The following MGMT variants were observed in gnomAD, a reference collection of about 807,000 sequenced individuals.
MGMT encodes the protein O-6-methylguanine-DNA methyltransferase.
A neutral mutation model predicts 15.9 loss-of-function variants in MGMT; 14 were observed. The observed-to-expected ratio is 0.88, with a 90% CI of 0.58 to 1.37. The LOEUF (loss-of-function observed/expected upper bound fraction) is 1.37, where lower values mean the gene tolerates loss of function less well. Ranked by LOEUF, MGMT falls within the 40% of genes most tolerant of loss-of-function variation. The pLI, the probability that MGMT is intolerant of heterozygous loss-of-function variation, is 0.00. For synonymous variants in MGMT, 130 were observed against 118.2 expected (o/e 1.10, Z -0.65); for missense variants, 282 against 268.1 (o/e 1.05, Z -0.36).
chr10:129,733,027 C>T (rs61874349), intron 3 of MGMT, among the ~76,000 whole-genome samples: 9 of 151,610 alleles, frequency 5.9e-5, no homozygotes, highest in South Asian at 2.1e-4. Flanking sequence ...TACGTGTGCA[C>T]GTGTCTTTAT....
intron 3 of MGMT, among the ~76,000 whole-genome samples, chr10:129,737,433 G>A (rs1427410353): frequency 3.3e-5 from 5 of 151,996 alleles, no homozygotes; most frequent in African/African-American, 9.7e-5. Context: ...CTCTGTATTG[G>A]TTACTCTAGT....
chr10:129,571,896 C>G (rs772020033), intron 2 of MGMT, among the ~76,000 whole-genome samples: 2 of 152,162 alleles, frequency 1.3e-5, no homozygotes, highest in Non-Finnish European at 2.9e-5. Flanking sequence ...TTCATGCATG[C>G]AAGAATCGTT....
intron 3 of MGMT, among the ~76,000 whole-genome samples, chr10:129,708,273 A>G (rs1848191521): frequency 6.6e-6 from 1 of 152,218 alleles, no homozygotes; most frequent in South Asian, 2.1e-4. Context: ...GGCAATAAAA[A>G]TGAAGCATGC....
At position 129,500,797 on chromosome 10, in the gene MGMT, C is replaced by T. The variant is rs529295740; in HGVS notation, c.-13+33501C>T. ...AACTTCTGAGCTCAAACTATCCGCC[C>T]GCCTTAGCCTCCCACAGTGCTGGGA... On this transcript the variant is annotated intron_variant, in intron 1 of 4. Transcript: ENST00000651593. Among the ~76,000 whole-genome samples the T allele has an allele frequency of 3.3e-5, 5 of 152,156 alleles. No homozygotes were observed. In the South Asian group the frequency reaches 6.2e-4, roughly 19 times the overall value.
chr10:129,661,389 C>T (rs1476164741), intron 2 of MGMT, among the ~76,000 whole-genome samples: 1 of 152,156 alleles, frequency 6.6e-6, no homozygotes, highest in Non-Finnish European at 1.5e-5. Context: ...TGTACCAACT[C>T]ATACTCTCAG....
intron 1 of MGMT, among the ~76,000 whole-genome samples, chr10:129,506,480 A>G (rs1369354258): frequency 6.6e-6 from 1 of 151,960 alleles, no homozygotes; most frequent in East Asian, 1.9e-4. Flanking sequence ...GCAGCCACAT[A>G]CTTAGGGCTG....
chr10:129,552,342 C>T (rs1589862705), intron 2 of MGMT, among the ~76,000 whole-genome samples: 2 of 152,328 alleles, frequency 1.3e-5, no homozygotes, highest in Non-Finnish European at 1.5e-5. Context: ...ACGCTGCATG[C>T]CCAGGTGGTC....
rs1345871394 is a variant in MGMT at position 129,769,279 on chromosome 10, G to A, written c.*2282G>A. The A allele has an allele frequency of 6.6e-6, 1 of 152,244 alleles. No homozygotes were observed. Among genetic ancestry groups the A allele is most frequent in the Non-Finnish European group, 1.5e-5 (1 of 68,068 alleles). 9.4% of individuals were successfully genotyped at this position (152,244 alleles called of 1,614,324 possible). A position where few individuals can be genotyped will look rare whatever the true frequency, so the allele number is the denominator to read the frequency against. The stretch of plus-strand genomic sequence containing the variant: ...CGGCGGGGCCGTGTACCGCTCCAAG[G>A]ACAAGCTCTGCCGAGGCCGACATGA... On this transcript the variant is annotated 3_prime_UTR_variant, in exon 5 of 5. Transcript: ENST00000651593.
intron 2 of MGMT, among the ~76,000 whole-genome samples, chr10:129,674,837 G>A (rs899039701): frequency 6.6e-6 from 1 of 152,204 alleles, no homozygotes; most frequent in Non-Finnish European, 1.5e-5. Context: ...GAACACAGCA[G>A]TGAGAGATGA....
At chr10:129,568,731 T>A (rs1013840215) in intron 2 of MGMT, among the ~76,000 whole-genome samples, 4 of 152,022 alleles carry the variant, frequency 2.6e-5, no homozygotes, top group South Asian at 4.2e-4. Context: ...AGGGCTCTGG[T>A]TTCTGGAGTA....
intron 2 of MGMT, among the ~76,000 whole-genome samples, chr10:129,668,063 G>T (rs1252812970): frequency 1.3e-5 from 2 of 152,174 alleles, no homozygotes; most frequent in African/African-American, 4.8e-5. Context: ...TTGCTGAACA[G>T]AAGGTTTTAA....
At chr10:129,572,958 G>A (rs1846437360) in intron 2 of MGMT, among the ~76,000 whole-genome samples, 1 of 152,076 alleles carries the variant, frequency 6.6e-6, no homozygotes, top group Non-Finnish European at 1.5e-5. Context: ...AGTTAATTGT[G>A]GAACCTATTT....
intron 3 of MGMT, among the ~76,000 whole-genome samples, chr10:129,748,513 A>T (rs964206549): frequency 6.6e-6 from 1 of 152,118 alleles, no homozygotes; most frequent in Non-Finnish European, 1.5e-5. Flanking sequence ...TAGGGAGGAA[A>T]AGGCCAGTTC....
intron 2 of MGMT, chr10:129,564,253 C>T (rs1846317700): frequency 1.2e-5 from 1 of 85,416 alleles, no homozygotes; most frequent in African/African-American, 4.7e-5. Context: ...CCTTCCCCCT[C>T]CTCTTCCCCT....
intron 2 of MGMT, among the ~76,000 whole-genome samples, chr10:129,578,477 G>A (rs1846513889): frequency 6.9e-6 from 1 of 145,274 alleles, no homozygotes; most frequent in East Asian, 2.1e-4. Flanking sequence ...GGTGGGAATT[G>A]AACAATGAGA....
chr10:129,605,300 A>G (rs1589889968), intron 2 of MGMT, among the ~76,000 whole-genome samples: 1 of 152,082 alleles, frequency 6.6e-6, no homozygotes, highest in Admixed American at 6.5e-5. Context: ...TTACTCTACT[A>G]TTTGCGGTCC....
At chr10:129,479,207 G>C (rs1239337169) in intron 1 of MGMT, among the ~76,000 whole-genome samples, 1 of 152,024 alleles carries the variant, frequency 6.6e-6, no homozygotes, top group Non-Finnish European at 1.5e-5. Context: ...AACATCTCCT[G>C]CCACTAATAG....
intron 2 of MGMT, among the ~76,000 whole-genome samples, chr10:129,550,380 C>T (rs557286149): frequency 1.7e-4 from 25 of 145,656 alleles, no homozygotes; most frequent in African/African-American, 4.9e-4. Flanking sequence ...CACCCAGCAC[C>T]GGAATGTTTC....
rs998456526 is a variant in MGMT at position 129,566,220 on chromosome 10, T to G, written c.125+29843T>G. On this transcript the variant is annotated intron_variant, in intron 2 of 4. Coordinates refer to ENST00000651593, the MANE Select transcript of MGMT (RefSeq NM_002412.5). This position sits in a 1 kb window ranked among gnomAD's most constrained non-coding sequence, Gnocchi z 4.1. ...TGGAGAGCTGGACTTCCAGCCTGCTTCTTGGCTGTCTAGGTGCCAGGGGCT... is the reference window on the plus strand; with the variant it reads ...TGGAGAGCTGGACTTCCAGCCTGCTGCTTGGCTGTCTAGGTGCCAGGGGCT... 1.3e-5 allele frequency among the ~76,000 whole-genome samples: 2 copies of G among 152,136 alleles called. No homozygotes were observed. The highest frequency in any genetic ancestry group is 4.8e-5 in the African/African-American group (2 of 41,434).
Sources: allele counts gnomAD v4.1 joint callset (sites outside exome capture counted in the v4.1 genomes callset), GRCh38; gene constraint gnomAD v4.1.1; non-coding constraint Gnocchi (gnomAD v3.1); transcripts MANE v1.5; gene names NCBI Gene and HGNC (gene_info 2026-07-23, HGNC 2026-07-21).